C11orf71: variants seen among roughly 807,000 people sequenced by gnomAD.
C11orf71 encodes uncharacterized protein C11orf71.
For synonymous variants in C11orf71, 72 were observed against 73.4 expected, an observed-to-expected ratio of 0.98 and a Z score of 0.09; for missense variants, 179 against 167.6, an observed-to-expected ratio of 1.07 and a Z score of -0.38.
At chr11:114,395,449 C>T (rs1946123895), downstream of C11orf71, among the ~76,000 whole-genome samples, 1 of 152,210 alleles carries the variant, frequency 6.6e-6, no homozygotes, top group Non-Finnish European at 1.5e-5. Flanking sequence ...GGCAATGCAG[C>T]TTGGTCACAT....
intron 1 of C11orf71, among the ~76,000 whole-genome samples, chr11:114,392,623 G>T (rs1385374512): frequency 9.3e-5 from 14 of 151,258 alleles, no homozygotes; most frequent in Non-Finnish European, 2.1e-4. Context: ...CCCAGCTACT[G>T]GGGAGGCTGA....
Position 114,399,193 on chromosome 11 carries a change from TG to T in C11orf71, c.*766del, listed in dbSNP as rs1280976918. ...CCGTGATCTTTCTTGATGGCCAGAC[TG>T]TGTAAAATTCATACAGTGTTTACTA... On this transcript the variant is annotated 3_prime_UTR_variant, in exon 1 of 1. Transcript: ENST00000623205. The T allele has an allele frequency of 6.6e-6, 1 of 152,188 alleles. No homozygotes were observed. The highest frequency in any genetic ancestry group is 1.9e-4 in the East Asian group (1 of 5,188). 9.4% of individuals were successfully genotyped at this position (152,188 alleles called of 1,614,324 possible). A position where few individuals can be genotyped will look rare whatever the true frequency, so the allele number is the denominator to read the frequency against.
downstream of C11orf71, among the ~76,000 whole-genome samples, chr11:114,397,696 T>C (rs1157935874): frequency 6.6e-6 from 1 of 152,194 alleles, no homozygotes; most frequent in Admixed American, 6.5e-5. Context: ...TTTTGTTCCT[T>C]CATTTGACAA....
intron 1 of C11orf71, among the ~76,000 whole-genome samples, chr11:114,392,529 C>CAAAAAAAAAAAAAAAAAAAAAGAAAA (rs1946080635): frequency 1.9e-5 from 1 of 51,686 alleles, no homozygotes; most frequent in Non-Finnish European, 3.4e-5. Context: ...TAGAATGAGA[C>CAAAAAAAAAAAAAAAAAAAAAGAAAA]AAAAAAAAAA....
At chr11:114,394,223 CTTTTCTTTCT>C (rs1228031663), downstream of C11orf71, among the ~76,000 whole-genome samples, 182 of 60,188 alleles carry the variant, frequency 3.0e-3, 2 homozygotes, top group Admixed American at 1.6e-3. Context: ...CTTTTCTTTT[CTTTTCTTTCT>C]TTTCTTTTCT....
Position 114,399,941 on chromosome 11 carries a change from C to A in C11orf71, c.*19G>T. On this transcript the variant is annotated 3_prime_UTR_variant, in exon 1 of 1. Coordinates refer to ENST00000623205, the MANE Select transcript of C11orf71 (RefSeq NM_001271562.2). The stretch of plus-strand genomic sequence containing the variant: ...GGCCTGTTCACAAGCTAAGTGAGGG[C>A]CAGAGGAAAGGTGTTCGTTTAAACT... The A allele has an allele frequency of 6.4e-7, 1 of 1,573,830 alleles. No individual in the cohort carries two copies. The highest frequency in any genetic ancestry group is 1.3e-5 in the African/African-American group (1 of 74,080).
intron 1 of C11orf71, among the ~76,000 whole-genome samples, chr11:114,392,376 A>G (rs1946079371): frequency 6.6e-6 from 1 of 151,990 alleles, no homozygotes; most frequent in South Asian, 2.1e-4. Context: ...CGTCTCTACT[A>G]AAAATACGGA....
At chr11:114,391,701 G>T in intron 1 of C11orf71, 1 of 972,462 alleles carries the variant, frequency 1.0e-6, no homozygotes, top group South Asian at 2.0e-5. Context: ...TAAGATGGCA[G>T]GGAGTGGTGG....
chr11:114,400,270 G>A lies in C11orf71; in HGVS notation c.62C>T (p.Ser21Phe). The A allele has an allele frequency of 2.5e-6, 4 of 1,611,060 alleles. No homozygotes were observed. The highest frequency in any genetic ancestry group is 2.2e-5 in the South Asian group (2 of 90,640). ...GDQRSRVAYR[S>F]SHGDLRPRAS... ...CCGCGGTCTGAGGTCGCCATGGGAA[G>A]AGCGGTAGGCCACCCTGCTCCTCTG... The change falls in exon 1 of 1, where the codon TCT becomes TTT. Residue 21 changes from serine to phenylalanine, a missense_variant. Coordinates refer to ENST00000623205, the MANE Select transcript of C11orf71 (RefSeq NM_001271562.2).
At chr11:114,394,729 C>A (rs1946117780), downstream of C11orf71, among the ~76,000 whole-genome samples, 1 of 151,792 alleles carries the variant, frequency 6.6e-6, no homozygotes, top group African/African-American at 2.4e-5. Context: ...TTTTTTAATC[C>A]ATCATCTATT....
At chr11:114,392,529 C>CAAAAAAAAAAAAAAAAA (rs386374967) in intron 1 of C11orf71, among the ~76,000 whole-genome samples, 1 of 51,694 alleles carries the variant, frequency 1.9e-5, no homozygotes, top group Non-Finnish European at 3.4e-5. Context: ...TAGAATGAGA[C>CAAAAAAAAAAAAAAAAA]AAAAAAAAAA....
At chr11:114,394,142 C>G (rs550774919), downstream of C11orf71, among the ~76,000 whole-genome samples, 39 of 149,364 alleles carry the variant, frequency 2.6e-4, no homozygotes, top group South Asian at 4.1e-3. Flanking sequence ...ACCACTCCGG[C>G]TAATTTTTTT....
chr11:114,400,345 C>T lies in C11orf71; in HGVS notation c.-14G>A, dbSNP rs980290847. On this transcript the variant is annotated 5_prime_UTR_variant, in exon 1 of 1. Coordinates refer to ENST00000623205, the MANE Select transcript of C11orf71 (RefSeq NM_001271562.2). ...GTTCAGGGCCATATTCAAACACTGC[C>T]CGCAGTACTTGCGTTACGTCCCTTT... 1 of 1,590,728 alleles carries T rather than the reference C, an allele frequency of 6.3e-7. No individual in the cohort carries two copies. The highest frequency in any genetic ancestry group is 8.6e-7 in the Non-Finnish European group (1 of 1,167,998).
downstream of C11orf71, among the ~76,000 whole-genome samples, chr11:114,394,324 G>T (rs9667971): frequency 3.7e-5 from 4 of 106,728 alleles, no homozygotes; most frequent in African/African-American, 9.9e-5. Flanking sequence ...AGACGGAGTC[G>T]CACTCTGTTG....
downstream of C11orf71, among the ~76,000 whole-genome samples, chr11:114,394,179 GTTTCTTTTCTTTTCT>G (rs1226365240): frequency 1.2e-4 from 10 of 80,284 alleles, no homozygotes; most frequent in Non-Finnish European, 1.5e-4. Context: ...ACGGGGTTTC[GTTTCTTTTCTTTTCT>G]TTTCTTTTCT....
chr11:114,391,561 C>G (rs768644703), exon 2 of C11orf71: 2 of 1,452,040 alleles, frequency 1.4e-6, no homozygotes, highest in South Asian at 2.8e-5. Flanking sequence ...TATCACAAAT[C>G]AGTTCATATT....
chr11:114,394,428 G>A (rs558282436), downstream of C11orf71, among the ~76,000 whole-genome samples: 2 of 152,010 alleles, frequency 1.3e-5, no homozygotes, highest in South Asian at 4.1e-4. Context: ...CCAAGTAGCT[G>A]GGATTACAGG....
intron 1 of C11orf71, among the ~76,000 whole-genome samples, chr11:114,392,611 A>AAACATTAGCTGGGTATGGGTATGG (rs1157980152): frequency 8.6e-5 from 13 of 151,638 alleles, no homozygotes; most frequent in Non-Finnish European, 1.9e-4. Flanking sequence ...TGTGCCTGTA[A>AAACATTAGCTGGGTATGGGTATGG]TCCCAGCTAC....
downstream of C11orf71, among the ~76,000 whole-genome samples, chr11:114,394,174 G>GTTTTTCTTTTCTTTTCT (rs1946094226): frequency 1.3e-5 from 1 of 77,520 alleles, no homozygotes; most frequent in Non-Finnish European, 2.6e-5. Context: ...TAGAGACGGG[G>GTTTTTCTTTTCTTTTCT]TTTCGTTTCT....
Sources: gnomAD v4.1 joint callset for allele counts (sites outside exome capture counted in the v4.1 genomes callset) on GRCh38, gnomAD v4.1.1 for gene constraint, MANE v1.5 for transcripts, NCBI Gene and HGNC (gene_info 2026-07-23, HGNC 2026-07-21) for gene names.